Variants in PDE4B observed in about 807,000 individuals in gnomAD.
The protein encoded by PDE4B is 3',5'-cyclic-AMP phosphodiesterase 4B.
Under a neutral mutation model 82.2 loss-of-function variants are expected in PDE4B, and 20 were observed. The ratio of observed to expected loss-of-function variants is 0.24; its 90% CI spans 0.17 to 0.35. PDE4B has a LOEUF of 0.35. PDE4B is among the 10% of genes least tolerant of loss of function. PDE4B has a pLI of 1.00. For synonymous variants in PDE4B, 320 were observed against 318.9 expected, an observed-to-expected ratio of 1.00 and a Z score of -0.04; for missense variants, 655 against 907.2, an observed-to-expected ratio of 0.72 and a Z score of 3.57.
At chr1:65,973,662 A>G (rs995090467) in intron 3 of PDE4B, among the ~76,000 whole-genome samples, 3 of 152,230 alleles carry the variant, frequency 2.0e-5, no homozygotes, top group Non-Finnish European at 4.4e-5. Flanking sequence ...CACTAAAAGG[A>G]ACAACACAAG....
At chr1:66,238,452 T>G (rs1292087385) in intron 3 of PDE4B, among the ~76,000 whole-genome samples, 1 of 152,154 alleles carries the variant, frequency 6.6e-6, no homozygotes, top group East Asian at 1.9e-4. Flanking sequence ...TGTTAAAAGA[T>G]TGCTCTTGCT....
intron 3 of PDE4B, among the ~76,000 whole-genome samples, chr1:65,959,982 AT>A (rs1282664164): frequency 6.6e-6 from 1 of 152,062 alleles, no homozygotes; most frequent in African/African-American, 2.4e-5. Flanking sequence ...AACTGCAGGG[AT>A]TACGGGCATG....
intron 3 of PDE4B, among the ~76,000 whole-genome samples, chr1:66,216,780 C>T (rs1204877952): frequency 3.9e-5 from 6 of 152,076 alleles, no homozygotes; most frequent in Admixed American, 3.9e-4. Context: ...TCGTTTCAGG[C>T]ACAGGGAAGG....
intron 3 of PDE4B, among the ~76,000 whole-genome samples, chr1:66,242,765 A>G (rs1462593785): frequency 6.6e-6 from 1 of 152,150 alleles, no homozygotes; most frequent in Admixed American, 6.5e-5. Flanking sequence ...AGGCTTATGA[A>G]TAAGGCTTCA....
In PDE4B at chr1:66,072,854, A is replaced by G. The variant is rs146899729; in HGVS notation, c.281+154019A>G. Among the ~76,000 whole-genome samples the G allele has an allele frequency of 3.2e-4, 48 of 152,238 alleles. 1 individual carries two copies. The East Asian group carries it at 8.9e-3, about 28-fold the overall frequency. ...ACAAATAGAAAATAAAGTATAATAC[A>G]TTGCCATAATAGAAATGGGATCTCA... On this transcript the variant is annotated intron_variant, in intron 3 of 16. Transcript: ENST00000341517.
At chr1:65,833,848 T>TA (rs1646110150) in intron 1 of PDE4B, among the ~76,000 whole-genome samples, 1 of 152,240 alleles carries the variant, frequency 6.6e-6, no homozygotes, top group Non-Finnish European at 1.5e-5. Flanking sequence ...TATTTAAACT[T>TA]ACAATTAAAT....
intron 1 of PDE4B, among the ~76,000 whole-genome samples, chr1:65,799,522 A>T (rs963432126): frequency 3.3e-5 from 5 of 152,184 alleles, no homozygotes; most frequent in Non-Finnish European, 5.9e-5. Flanking sequence ...AAAAATTTGC[A>T]TTCAATATTA....
Position 65,792,994 on chromosome 1 carries a change from C to T in PDE4B, c.-325C>T, listed in dbSNP as rs527654606. 1.4e-3 allele frequency among the ~76,000 whole-genome samples: 207 copies of T among 151,824 alleles called. 1 individual carries two copies. Among genetic ancestry groups the T allele is most frequent in the African/African-American group, 4.8e-3 (201 of 41,490 alleles). On this transcript the variant is annotated 5_prime_UTR_variant, in exon 1 of 17. Transcript: ENST00000341517. The stretch of plus-strand genomic sequence containing the variant: ...CGCTGGCCCGTCCGCGCGCGCGCCC[C>T]CGGCCCGCGCGCCCCTTCCCGGGGC...
chr1:66,200,735 G>A (rs954084743), intron 3 of PDE4B, among the ~76,000 whole-genome samples: 3 of 152,160 alleles, frequency 2.0e-5, no homozygotes, highest in African/African-American at 7.2e-5. Flanking sequence ...ATCAGCTTAA[G>A]GAGATTTTGG....
intron 8 of PDE4B, among the ~76,000 whole-genome samples, chr1:66,334,682 C>A (rs1383674438): frequency 6.6e-6 from 1 of 152,212 alleles, no homozygotes; most frequent in African/African-American, 2.4e-5. Context: ...ATGAATGATG[C>A]CCAACTGACA....
At chr1:66,280,500 G>T (rs1411116071) in intron 7 of PDE4B, among the ~76,000 whole-genome samples, 1 of 152,236 alleles carries the variant, frequency 6.6e-6, no homozygotes, top group Non-Finnish European at 1.5e-5. Flanking sequence ...GGAGGTAGGA[G>T]TGAGGTTGGA....
chr1:66,225,745 T>C (rs1392288282), intron 3 of PDE4B, among the ~76,000 whole-genome samples: 1 of 152,266 alleles, frequency 6.6e-6, no homozygotes, highest in African/African-American at 2.4e-5. Context: ...TTGTAAATTA[T>C]ACTGTTCTTT....
chr1:66,146,137 A>G (rs1646263832), intron 3 of PDE4B, among the ~76,000 whole-genome samples: 1 of 151,010 alleles, frequency 6.6e-6, no homozygotes, highest in Non-Finnish European at 1.5e-5. Context: ...CTCATCCTGA[A>G]CAAGTTTAGG....
At chr1:65,946,595 G>A (rs889950594) in intron 3 of PDE4B, among the ~76,000 whole-genome samples, 1 of 151,908 alleles carries the variant, frequency 6.6e-6, no homozygotes, top group African/African-American at 2.4e-5. Context: ...GGGCCCAATG[G>A]TATGCCAGGA....
intron 3 of PDE4B, among the ~76,000 whole-genome samples, chr1:66,103,430 C>T: frequency 6.6e-6 from 1 of 152,038 alleles, no homozygotes; most frequent in Middle Eastern, 3.2e-3. Flanking sequence ...TGATATGAGG[C>T]CAGCATATGT....
intron 3 of PDE4B, among the ~76,000 whole-genome samples, chr1:66,009,905 TTATCTATCTATCTATCTATC>T (rs80200150): frequency 7.7e-6 from 1 of 130,474 alleles, no homozygotes; most frequent in Non-Finnish European, 1.6e-5. Context: ...ATCTGTATCT[TTATCTATCTATCTATCTATC>T]TATCTATCTA....
intron 1 of PDE4B, among the ~76,000 whole-genome samples, chr1:65,849,550 G>T (rs1291421155): frequency 6.6e-6 from 1 of 152,168 alleles, no homozygotes; most frequent in Non-Finnish European, 1.5e-5. Context: ...TCAAGGGAAT[G>T]TGTTTAACAG....
chr1:66,210,595 CAAAAA>C lies in PDE4B; in HGVS notation c.282-36845_282-36841del, dbSNP rs35825766. On this transcript the variant is annotated intron_variant, in intron 3 of 16. Coordinates refer to ENST00000341517, the MANE Select transcript of PDE4B (RefSeq NM_002600.4). ...TGGGTGACAGAGTGAGACTCCATCT[CAAAAA>C]AAAAAAAAAAAAAAAAAAAGAAAAA... 3.5e-4 allele frequency among the ~76,000 whole-genome samples: 16 copies of C among 45,820 alleles called. No individual in the cohort carries two copies. In the East Asian group the frequency reaches 6.7e-3, roughly 19 times the overall value. 30.1% of individuals were successfully genotyped at this position (45,820 alleles called of 152,430 possible).
intron 2 of PDE4B, among the ~76,000 whole-genome samples, chr1:65,914,774 AT>A (rs1404142105): frequency 1.3e-5 from 2 of 152,142 alleles, no homozygotes; most frequent in Non-Finnish European, 1.5e-5. Flanking sequence ...CCCTGAGGGA[AT>A]GGTGGGCATA....
Sources: allele counts gnomAD v4.1 joint callset (sites outside exome capture counted in the v4.1 genomes callset), GRCh38; gene constraint gnomAD v4.1.1; transcripts MANE v1.5; gene names NCBI Gene and HGNC (gene_info 2026-07-23, HGNC 2026-07-21).